The following DLGAP1 variants were observed in gnomAD, a reference collection of about 807,000 sequenced individuals.
DLGAP1 encodes DLG associated protein 1.
Under a neutral mutation model 90.8 loss-of-function variants are expected in DLGAP1, and 11 were observed. That is an observed-to-expected ratio of 0.12 (90% CI 0.08 to 0.20). DLGAP1 has a LOEUF of 0.20. Among genes scored for constraint, DLGAP1 ranks in the 10% least tolerant of loss-of-function variants. The pLI is 1.00. For missense variants in DLGAP1, 1,050 were observed against 1,333.8 expected (o/e 0.79, Z 3.31); for synonymous variants, 558 against 540.7 (o/e 1.03, Z -0.44).
At chr18:3,830,249 T>G in intron 4 of DLGAP1, among the ~76,000 whole-genome samples, 1 of 152,246 alleles carries the variant, frequency 6.6e-6, no homozygotes, top group East Asian at 1.9e-4. Context: ...TACAGTCACC[T>G]GAAACATCCC....
chr18:3,664,206 A>C (rs971045568), intron 7 of DLGAP1, among the ~76,000 whole-genome samples: 145 of 140,210 alleles, frequency 1.0e-3, no homozygotes, highest in African/African-American at 3.9e-3. Flanking sequence ...ACACACACAC[A>C]CACACACACA....
chr18:3,869,910 C>T (rs772191267), intron 4 of DLGAP1, among the ~76,000 whole-genome samples: 6 of 152,078 alleles, frequency 3.9e-5, no homozygotes, highest in Non-Finnish European at 8.8e-5. Context: ...TTTCTAAGAC[C>T]TGAAGCAAAC....
intron 1 of DLGAP1, among the ~76,000 whole-genome samples, chr18:4,274,072 C>CT (rs368972140): frequency 0.021 from 2,938 of 142,186 alleles, 85 homozygotes; most frequent in African/African-American, 0.066. Context: ...GTTTAGTTTG[C>CT]TTTTTTTTTT....
chr18:3,512,921 C>T (rs8092203), intron 10 of DLGAP1, among the ~76,000 whole-genome samples: 2 of 152,108 alleles, frequency 1.3e-5, no homozygotes, highest in African/African-American at 2.4e-5. Context: ...TATTTAAGTG[C>T]ACAATATAGT....
intron 1 of DLGAP1, among the ~76,000 whole-genome samples, chr18:4,388,236 TAGAG>T (rs1249843862): frequency 6.6e-6 from 1 of 151,516 alleles, no homozygotes; most frequent in Non-Finnish European, 1.5e-5. Context: ...AAGTAAAACA[TAGAG>T]AGGGGAAACT....
At chr18:3,994,052 C>T (rs775738294) in intron 3 of DLGAP1, among the ~76,000 whole-genome samples, 1 of 152,104 alleles carries the variant, frequency 6.6e-6, no homozygotes, top group Non-Finnish European at 1.5e-5. Flanking sequence ...CCCCTTGAAG[C>T]GTAAAACTCT....
chr18:3,786,570 G>C (rs1306713093), intron 5 of DLGAP1, among the ~76,000 whole-genome samples: 2 of 152,120 alleles, frequency 1.3e-5, no homozygotes, highest in East Asian at 3.9e-4. Context: ...TGCCAGCATG[G>C]AACTCTCCAA....
intron 1 of DLGAP1, among the ~76,000 whole-genome samples, chr18:4,332,957 G>C (rs2080982340): frequency 6.6e-6 from 1 of 151,826 alleles, no homozygotes; most frequent in Admixed American, 6.6e-5. Context: ...CTTTATAAAA[G>C]TTTCTCTGTC....
intron 7 of DLGAP1, among the ~76,000 whole-genome samples, chr18:3,598,759 C>T (rs563112678): frequency 4.2e-4 from 64 of 151,780 alleles, no homozygotes; most frequent in African/African-American, 1.3e-3. Context: ...TGAGCCACCG[C>T]GCCCGGTCCC....
chr18:4,197,199 A>AAAAAAAAAAAAAAAAAAAAAAAG (rs1555760529), intron 1 of DLGAP1, among the ~76,000 whole-genome samples: 1 of 144,304 alleles, frequency 6.9e-6, no homozygotes, highest in African/African-American at 2.7e-5. Context: ...AAAAAAAAAA[A>AAAAAAAAAAAAAAAAAAAAAAAG]AAAAAAAAAG....
intron 3 of DLGAP1, among the ~76,000 whole-genome samples, chr18:3,960,882 C>T (rs1021649973): frequency 2.0e-5 from 3 of 152,198 alleles, no homozygotes; most frequent in Admixed American, 1.3e-4. Context: ...CATGGTGTCA[C>T]GGCTGACCTT....
chr18:3,691,669 TG>T (rs1170814137), intron 7 of DLGAP1, among the ~76,000 whole-genome samples: 2 of 152,068 alleles, frequency 1.3e-5, no homozygotes, highest in African/African-American at 4.8e-5. Context: ...CACAACACTT[TG>T]GGAGGCCAAG....
At chr18:3,970,867 C>T (rs7237922) in intron 3 of DLGAP1, among the ~76,000 whole-genome samples, 13,990 of 152,140 alleles carry the variant, frequency 0.092, 1,373 homozygotes, top group African/African-American at 0.25. Context: ...TAAGCCCCTG[C>T]CCTAGTTCTG....
chr18:3,962,728 T>G (rs1448488801), intron 3 of DLGAP1, among the ~76,000 whole-genome samples: 1 of 152,238 alleles, frequency 6.6e-6, no homozygotes, highest in Non-Finnish European at 1.5e-5. Flanking sequence ...TATTCTTTAG[T>G]TGTATGCATT....
intron 3 of DLGAP1, chr18:3,977,828 C>G: frequency 7.7e-6 from 3 of 389,558 alleles, no homozygotes; most frequent in Non-Finnish European, 1.5e-5. Flanking sequence ...TCAGTGTAGC[C>G]CAGGATGCCC....
In DLGAP1 at chr18:3,502,866, A is replaced by T. The variant is rs1166042172; in HGVS notation, c.2572-221T>A. 3.9e-5 allele frequency among the ~76,000 whole-genome samples: 6 copies of T among 152,220 alleles called. No homozygotes were observed. The East Asian group carries it at 1.2e-3, about 29-fold the overall frequency. On this transcript the variant is annotated intron_variant, in intron 11 of 12. Transcript: ENST00000315677. ...AAGGTTGTAAAACTCTTCTGTTGTG[A>T]TACCACATCTATCAATTCAATATGG... is the stretch of plus-strand genomic sequence containing the variant.
At chr18:4,016,867 C>A (rs540758308) in intron 2 of DLGAP1, among the ~76,000 whole-genome samples, 1 of 152,262 alleles carries the variant, frequency 6.6e-6, no homozygotes, top group South Asian at 2.1e-4. Flanking sequence ...TCAGTTTTCT[C>A]ATACATAAAG....
intron 9 of DLGAP1, among the ~76,000 whole-genome samples, chr18:3,558,403 T>C (rs1568192384): frequency 2.0e-5 from 3 of 152,226 alleles, no homozygotes; most frequent in South Asian, 4.2e-4. Flanking sequence ...CGGCTATTTT[T>C]TGTATTTTTA....
intron 5 of DLGAP1, among the ~76,000 whole-genome samples, chr18:3,792,028 A>G (rs1446778139): frequency 1.3e-5 from 2 of 152,162 alleles, no homozygotes; most frequent in Non-Finnish European, 1.5e-5. Flanking sequence ...CCACCCCACT[A>G]TAGCTGGCTG....
Sources: allele counts gnomAD v4.1 joint callset (sites outside exome capture counted in the v4.1 genomes callset), GRCh38; gene constraint gnomAD v4.1.1; transcripts MANE v1.5; gene names NCBI Gene and HGNC (gene_info 2026-07-23, HGNC 2026-07-21).